The following SPNS2 variants were observed in gnomAD, a reference collection of about 807,000 sequenced individuals.
The protein encoded by SPNS2 is SPNS lysolipid transporter 2, sphingosine-1-phosphate, also known as sphingosine-1-phosphate transporter SPNS2.
In SPNS2, 37 loss-of-function variants were observed where a neutral mutation model predicts 57.6. That is an observed-to-expected ratio of 0.64 (90% CI 0.49 to 0.85). The LOEUF (loss-of-function observed/expected upper bound fraction) is 0.85, where lower values mean the gene tolerates loss of function less well. Among genes scored for constraint, SPNS2 ranks in the 40% least tolerant of loss-of-function variants. The probability of loss-of-function intolerance (pLI) is 0.00; values close to 1 mark genes in which losing one functional copy is unlikely to be tolerated. For synonymous variants in SPNS2, 440 were observed against 346.9 expected (o/e 1.27, Z -2.98); for missense variants, 831 against 779.1 (o/e 1.07, Z -0.79).
chr17:4,507,430 T>A (rs1411021385), intron 1 of SPNS2, among the ~76,000 whole-genome samples: 2 of 152,246 alleles, frequency 1.3e-5, no homozygotes, highest in African/African-American at 4.8e-5. Context: ...ATGATAACAT[T>A]TATGACATTT....
At position 4,534,348 on chromosome 17, in the gene SPNS2, C is replaced by T. The variant is rs566008662; in HGVS notation, c.1344+495C>T. ...TTGAGCGGCCAGCAGGGGCTTGTGT[C>T]CCTGGGTGGGGATGGGAGCACCCTG... On this transcript the variant is annotated intron_variant, in intron 9 of 12. Transcript: ENST00000329078. 1.8e-3 allele frequency: 343 copies of T among 191,364 alleles called. 1 individual carries two copies. Among genetic ancestry groups the T allele is most frequent in the Middle Eastern group, 7.2e-3 (3 of 414 alleles). The allele number at this position is 191,364 out of a possible 1,614,324, so 11.9% of individuals were successfully genotyped here. A position where few individuals can be genotyped will look rare whatever the true frequency, so the allele number is the denominator to read the frequency against.
Position 4,538,838 on chromosome 17 carries a change from C to A in SPNS2, c.*1390C>A. 1 of 777,856 alleles carries A rather than the reference C, an allele frequency of 1.3e-6. No homozygotes were observed. Among genetic ancestry groups the A allele is most frequent in the Non-Finnish European group, 2.4e-6 (1 of 416,668 alleles). 48.2% of individuals were successfully genotyped at this position (777,856 alleles called of 1,614,324 possible). On this transcript the variant is annotated 3_prime_UTR_variant, in exon 13 of 13. Transcript: ENST00000329078. Reference sequence around the variant, plus strand: ...GGCATCCTCCAAAGACCAGCCTCCACCCCCACTCCAGCCTCAGCGGGGCCC... The same window carrying A: ...GGCATCCTCCAAAGACCAGCCTCCAACCCCACTCCAGCCTCAGCGGGGCCC...
rs201502274 is a variant in SPNS2, at chr17:4,530,697, C to T, written c.639C>T (p.Ile213=). The change falls in exon 4 of 13, where the codon ATC becomes ATT. Residue 213 remains isoleucine, a synonymous_variant. Coordinates refer to ENST00000329078, the MANE Select transcript of SPNS2 (RefSeq NM_001124758.3). ...TCGGGGAGGCCAGCTACTCCACCATCGCCCCCACTATCATTGGCGACCTCT... is the reference window on the plus strand; with the variant it reads ...TCGGGGAGGCCAGCTACTCCACCATTGCCCCCACTATCATTGGCGACCTCT... The part of the protein sequence containing the change: ...VGIGEASYST[I]APTIIGDLFT... 2.4e-4 allele frequency: 390 copies of T among 1,613,890 alleles called. No individual in the cohort carries two copies. In the East Asian group the frequency reaches 4.1e-3, roughly 17 times the overall value.
chr17:4,512,067 A>G lies in SPNS2; in HGVS notation c.371-1180A>G, dbSNP rs557922237. ...TGTGTGGGGATTATACAGGCATTTA[A>G]TGCTCAGTTCGGCAAACCATCATCT... On this transcript the variant is annotated intron_variant, in intron 1 of 12. Transcript: ENST00000329078. This position sits in a 1 kb window ranked among gnomAD's most constrained non-coding sequence, Gnocchi z 5.2. Among the ~76,000 whole-genome samples, 38 of 152,264 alleles carry G rather than the reference A, an allele frequency of 2.5e-4. No individual in the cohort carries two copies. The highest frequency in any genetic ancestry group is 8.9e-4 in the African/African-American group (37 of 41,544).
Position 4,536,087 on chromosome 17 carries a change from C to T in SPNS2, c.1356C>T (p.Ile452=), listed in dbSNP as rs772175586. Residue 452 remains isoleucine, a synonymous_variant, in exon 10 of 13, where the codon ATC becomes ATT. Coordinates refer to ENST00000329078, the MANE Select transcript of SPNS2 (RefSeq NM_001124758.3). The part of the protein sequence containing the change: ...ITADILMYVV[I]PTRRATAVAL... ...CGCCTGTTCCGCAGTACGTGGTCAT[C>T]CCCACGCGGCGCGCCACTGCCGTGG... The T allele has an allele frequency of 4.3e-6, 7 of 1,611,596 alleles. No individual in the cohort carries two copies. The highest frequency in any genetic ancestry group is 1.3e-5 in the African/African-American group (1 of 74,902).
At position 4,533,788 on chromosome 17, in the gene SPNS2, A is replaced by T. The variant is rs1223869889; in HGVS notation, c.1279A>T (p.Ile427Phe). The stretch of plus-strand genomic sequence containing the variant: ...GGTGGCTTTGCCTTCTCCCCGGCAG[A>T]TCTGTATCTTCGTCGGGGAGACGCT... ...AAKSSIVGAY[I>F]CIFVGETLLF... Residue 427 changes from isoleucine to phenylalanine, a missense_variant and splice_region_variant, in exon 9 of 13, where the codon ATC becomes TTC. By Grantham distance (21) the Ile-to-Phe change is conservative. Coordinates refer to ENST00000329078, the MANE Select transcript of SPNS2 (RefSeq NM_001124758.3). 7.4e-6 allele frequency: 12 copies of T among 1,613,712 alleles called. No homozygotes were observed. The highest frequency in any genetic ancestry group is 8.5e-6 in the Non-Finnish European group (10 of 1,180,014).
chr17:4,522,989 G>C (rs1162249262), intron 2 of SPNS2, among the ~76,000 whole-genome samples: 1 of 152,196 alleles, frequency 6.6e-6, no homozygotes, highest in Non-Finnish European at 1.5e-5. Context: ...GTGGGCTCCG[G>C]GGCCCCACCC....
chr17:4,522,068 A>T (rs1905153086), intron 2 of SPNS2, among the ~76,000 whole-genome samples: 1 of 152,186 alleles, frequency 6.6e-6, no homozygotes, highest in Admixed American at 6.5e-5. Flanking sequence ...GCGTGGTGGC[A>T]GATGCCTATA....
chr17:4,501,423 G>A (rs1395844191), intron 1 of SPNS2, among the ~76,000 whole-genome samples: 3 of 152,192 alleles, frequency 2.0e-5, no homozygotes, highest in Non-Finnish European at 4.4e-5. Flanking sequence ...TAGGAAATTT[G>A]TGGTGAATTG....
At position 4,538,410 on chromosome 17, in the gene SPNS2, GC is replaced by G; in HGVS notation, c.*966del. 5.2e-6 allele frequency: 1 copy of G among 192,004 alleles called. No homozygotes were observed. Among genetic ancestry groups the G allele is most frequent in the South Asian group, 1.0e-4 (1 of 10,000 alleles). The allele number at this position is 192,004 out of a possible 1,614,324, so 11.9% of individuals were successfully genotyped here. Reference sequence around the variant, plus strand: ...TTCCTGCCCCAGAGCTGAGGCTGAGGCCCCGGGAGAGGCGGCCCCTACCCAA... The same window carrying G: ...TTCCTGCCCCAGAGCTGAGGCTGAGGCCCGGGAGAGGCGGCCCCTACCCAA... On this transcript the variant is annotated 3_prime_UTR_variant, in exon 13 of 13. Coordinates refer to ENST00000329078, the MANE Select transcript of SPNS2 (RefSeq NM_001124758.3).
chr17:4,520,433 G>C (rs554180687), intron 2 of SPNS2, among the ~76,000 whole-genome samples: 32 of 152,304 alleles, frequency 2.1e-4, no homozygotes, highest in African/African-American at 6.0e-4. Flanking sequence ...CGTCCCTCCA[G>C]TCCCTCGTCA....
chr17:4,533,345 A>C lies in SPNS2; in HGVS notation c.1191A>C (p.Pro397=), dbSNP rs748268511. 6.2e-7 allele frequency: 1 copy of C among 1,611,926 alleles called. No homozygotes were observed. Among genetic ancestry groups the C allele is most frequent in the East Asian group, 2.2e-5 (1 of 44,860 alleles). ...WCRLKTQRAD[P]LVCAVGMLGS... is the part of the protein sequence containing the mutation. ...GCCTGAAGACCCAGCGGGCCGACCCACTGGTGTGTGCCGTGGGCATGCTGG... is the reference window on the plus strand; with the variant it reads ...GCCTGAAGACCCAGCGGGCCGACCCCCTGGTGTGTGCCGTGGGCATGCTGG... The change falls in exon 8 of 13, where the codon CCA becomes CCC. Residue 397 remains proline, a synonymous_variant. Coordinates refer to ENST00000329078, the MANE Select transcript of SPNS2 (RefSeq NM_001124758.3).
Position 4,533,009 on chromosome 17 carries a change from C to CG in SPNS2, c.970dup (p.Ala324GlyfsTer116). ...TACGTCTTCTCCTCCCTGGCCACGT[C>CG]GGCTGTCTCCTTCGCCACGGGGGCC... is the stretch of plus-strand genomic sequence containing the variant. On this transcript the variant is annotated frameshift_variant, in exon 7 of 13. Coordinates refer to ENST00000329078, the MANE Select transcript of SPNS2 (RefSeq NM_001124758.3). LOFTEE classifies it high-confidence loss of function. The CG allele has an allele frequency of 6.2e-7, 1 of 1,613,238 alleles. No individual in the cohort carries two copies. The highest frequency in any genetic ancestry group is 8.5e-7 in the Non-Finnish European group (1 of 1,179,906).
chr17:4,534,901 C>T (rs962957432), intron 9 of SPNS2, among the ~76,000 whole-genome samples: 1 of 152,126 alleles, frequency 6.6e-6, no homozygotes, highest in African/African-American at 2.4e-5. Context: ...CTGACAGCTG[C>T]CGGCAGGGTC....
At chr17:4,524,681 C>G (rs969813055) in intron 2 of SPNS2, among the ~76,000 whole-genome samples, 24 of 152,290 alleles carry the variant, frequency 1.6e-4, no homozygotes, top group Admixed American at 1.6e-3. Context: ...GAGACCCTGT[C>G]TCAAAACAAT....
chr17:4,514,621 G>A lies in SPNS2; in HGVS notation c.436+1309G>A, dbSNP rs574511502. Among the ~76,000 whole-genome samples, 3 of 152,280 alleles carry A rather than the reference G, an allele frequency of 2.0e-5. No homozygotes were observed. In the South Asian group the frequency reaches 6.2e-4, roughly 32 times the overall value. ...CCGTGCGGTCCAGTATCCCCTATAG[G>A]TGGCCAGGTCCCTGCCCTGGCAGAC... On this transcript the variant is annotated intron_variant, in intron 2 of 12. Coordinates refer to ENST00000329078, the MANE Select transcript of SPNS2 (RefSeq NM_001124758.3).
chr17:4,528,980 A>G (rs1206565249), intron 3 of SPNS2, among the ~76,000 whole-genome samples: 1 of 150,498 alleles, frequency 6.6e-6, no homozygotes, highest in Admixed American at 6.6e-5. Context: ...TCTGTCACCC[A>G]GGCTGGAGTG....
At position 4,532,658 on chromosome 17, in the gene SPNS2, C is replaced by G. The variant is rs935056241; in HGVS notation, c.909C>G (p.Leu303=). 2.5e-6 allele frequency: 4 copies of G among 1,613,988 alleles called. No individual in the cohort carries two copies. Among genetic ancestry groups the G allele is most frequent in the African/African-American group, 2.7e-5 (2 of 75,028 alleles). ...GDQLKARTSW[L]RDMKALIRNR... ...AGCTCAAGGCCCGGACCTCATGGCT[C>G]CGAGATATGAAGGCCCTGATTCGAA... The change falls in exon 6 of 13, where the codon CTC becomes CTG. Residue 303 remains leucine (L), a synonymous_variant. Transcript: ENST00000329078.
At chr17:4,528,253 C>T (rs1905318531) in intron 3 of SPNS2, among the ~76,000 whole-genome samples, 1 of 152,006 alleles carries the variant, frequency 6.6e-6, no homozygotes, top group Non-Finnish European at 1.5e-5. Flanking sequence ...GAACTCCTGA[C>T]CTCAGGTGAT....
Sources: gnomAD v4.1 joint callset for allele counts (sites outside exome capture counted in the v4.1 genomes callset) on GRCh38, gnomAD v4.1.1 for gene constraint, Gnocchi (gnomAD v3.1) non-coding constraint, MANE v1.5 for transcripts, NCBI Gene and HGNC (gene_info 2026-07-23, HGNC 2026-07-21) for gene names.